SCD5: variants seen among roughly 807,000 people sequenced by gnomAD.
SCD5 encodes stearoyl-CoA desaturase 5, also known as acyl-CoA-desaturase 4.
In SCD5, 20 loss-of-function variants were observed where a neutral mutation model predicts 30.4. The ratio of observed to expected loss-of-function variants is 0.66; its 90% confidence interval spans 0.46 to 0.96. The LOEUF (loss-of-function observed/expected upper bound fraction) is 0.96, where lower values mean the gene tolerates loss of function less well. Among genes scored for constraint, SCD5 ranks in the 40% least tolerant of loss-of-function variants. The probability of loss-of-function intolerance (pLI) is 0.00; values close to 1 mark genes in which losing one functional copy is unlikely to be tolerated. For missense variants in SCD5, 381 were observed against 443.3 expected (o/e 0.86, Z 1.26); for synonymous variants, 173 against 176.4 (o/e 0.98, Z 0.16).
At chr4:82,663,935 G>A (rs1728102875) in intron 3 of SCD5, among the ~76,000 whole-genome samples, 1 of 152,186 alleles carries the variant, frequency 6.6e-6, no homozygotes, top group Non-Finnish European at 1.5e-5. Flanking sequence ...CTGCAGGAAT[G>A]CTAAGAAACC....
chr4:82,709,617 T>C (rs1720038932), intron 1 of SCD5, among the ~76,000 whole-genome samples: 1 of 152,166 alleles, frequency 6.6e-6, no homozygotes, highest in Non-Finnish European at 1.5e-5. Context: ...GACTCACAGA[T>C]GCAAAGCCCT....
In SCD5 at chr4:82,631,353, C is replaced by T. The variant is rs1727287504; in HGVS notation, c.967G>A (p.Ala323Thr). ...ATKPMIEARKARTGDSSA is the reference protein window; with the variant it reads ...ATKPMIEARKTRTGDSSA Reference sequence around the variant, plus strand: ...CAAGCACTGCTGTCTCCAGTCCTGGCCTTCCGGGCCTCGATCATCGGCTTG... The same window carrying T: ...CAAGCACTGCTGTCTCCAGTCCTGGTCTTCCGGGCCTCGATCATCGGCTTG... Residue 323 changes from alanine (A) to threonine (T), a missense_variant, in exon 5 of 5, where the codon GCC becomes ACC. Coordinates refer to ENST00000319540, the MANE Select transcript of SCD5 (RefSeq NM_001037582.3). 1.9e-6 allele frequency: 3 copies of T among 1,614,072 alleles called. No homozygotes were observed. Among genetic ancestry groups the T allele is most frequent in the Non-Finnish European group, 2.5e-6 (3 of 1,180,002 alleles).
intron 1 of SCD5, among the ~76,000 whole-genome samples, chr4:82,766,702 T>C (rs1721494535): frequency 6.6e-6 from 1 of 152,210 alleles, no homozygotes; most frequent in Non-Finnish European, 1.5e-5. Context: ...ATTTTTTGTG[T>C]TCCTATAAAG....
At chr4:82,674,906 G>A (rs1261634099) in intron 3 of SCD5, among the ~76,000 whole-genome samples, 1 of 152,148 alleles carries the variant, frequency 6.6e-6, no homozygotes, top group African/African-American at 2.4e-5. Context: ...CTAACTATAC[G>A]ACATTCTGGA....
At chr4:82,727,289 A>T (rs1437091215) in intron 1 of SCD5, among the ~76,000 whole-genome samples, 1 of 152,196 alleles carries the variant, frequency 6.6e-6, no homozygotes, top group Non-Finnish European at 1.5e-5. Flanking sequence ...TCACTAAGGG[A>T]TGCCATCTGC....
intron 2 of SCD5, among the ~76,000 whole-genome samples, chr4:82,685,131 T>C (rs938278488): frequency 2.0e-5 from 3 of 152,190 alleles, no homozygotes; most frequent in African/African-American, 7.2e-5. Flanking sequence ...TGATTATTCC[T>C]GATAAAAAAT....
chr4:82,692,461 G>T, intron 2 of SCD5: 1 of 153,084 alleles, frequency 6.5e-6, no homozygotes. Context: ...CATGGCCAAA[G>T]CACTTCTGAG....
rs570315531 is a variant in SCD5 at position 82,690,672 on chromosome 4, G to A, written c.364-9760C>T. On this transcript the variant is annotated intron_variant, in intron 2 of 4. Coordinates refer to ENST00000319540, the MANE Select transcript of SCD5 (RefSeq NM_001037582.3). ...TCTATCATTCTTTTGCTTATTATTTGACAATCTCTGTGTATTACTTTTCTT... is the reference window on the plus strand; with the variant it reads ...TCTATCATTCTTTTGCTTATTATTTAACAATCTCTGTGTATTACTTTTCTT... Among the ~76,000 whole-genome samples the A allele has an allele frequency of 5.0e-4, 76 of 152,166 alleles. No individual in the cohort carries two copies. In the South Asian group the frequency reaches 0.015, roughly 30 times the overall value.
intron 2 of SCD5, among the ~76,000 whole-genome samples, chr4:82,695,656 A>G (rs9997736): frequency 0.94 from 143,588 of 152,314 alleles, 67,807 homozygotes; most frequent in East Asian, 1. Context: ...CACATGGGTA[A>G]CCAGATTTGT....
intron 1 of SCD5, among the ~76,000 whole-genome samples, chr4:82,790,724 T>G (rs933216157): frequency 1.3e-5 from 2 of 151,966 alleles, no homozygotes; most frequent in Admixed American, 6.6e-5. Context: ...GAGTAAGTAA[T>G]AAATATTGTT....
chr4:82,697,193 C>T (rs956045505), intron 2 of SCD5, among the ~76,000 whole-genome samples: 7 of 152,298 alleles, frequency 4.6e-5, no homozygotes, highest in Admixed American at 1.3e-4. Flanking sequence ...GGACTGCATG[C>T]GGAATTCACC....
intron 1 of SCD5, among the ~76,000 whole-genome samples, chr4:82,719,854 T>G (rs1192189366): frequency 6.6e-6 from 1 of 151,408 alleles, no homozygotes; most frequent in African/African-American, 2.4e-5. Flanking sequence ...CAGGCTGGAG[T>G]GCAGGGGTGC....
intron 3 of SCD5, among the ~76,000 whole-genome samples, chr4:82,643,262 A>G (rs886827348): frequency 2.6e-5 from 4 of 152,216 alleles, no homozygotes; most frequent in African/African-American, 9.6e-5. Context: ...ACTCCTAGGT[A>G]TATATCCAAA....
rs759488147 is a variant in SCD5 at position 82,798,420 on chromosome 4, C to G, written c.118G>C (p.Gly40Arg). 9.9e-6 allele frequency: 16 copies of G among 1,613,316 alleles called. No homozygotes were observed. Among genetic ancestry groups the G allele is most frequent in the African/African-American group, 2.7e-5 (2 of 75,018 alleles). Reference sequence around the variant, plus strand: ...CTCCAGACGATGTTCTGCCGCTGCCCGCGCGCGCCTGGCCTCTCCGGGCCG... The same window carrying G: ...CTCCAGACGATGTTCTGCCGCTGCCGGCGCGCGCCTGGCCTCTCCGGGCCG... ...GGGPERPGAR[G>R]QRQNIVWRNV... is the part of the protein sequence containing the mutation. The change falls in exon 1 of 5, where the codon GGG becomes CGG. Residue 40 changes from glycine to arginine, a missense_variant. Transcript: ENST00000319540.
chr4:82,714,006 C>T (rs1004308115), intron 1 of SCD5, among the ~76,000 whole-genome samples: 1 of 152,208 alleles, frequency 6.6e-6, no homozygotes, highest in Admixed American at 6.5e-5. Flanking sequence ...GGCCAAGCCA[C>T]TCTCTCTTTA....
At chr4:82,745,535 A>G (rs1391648972) in intron 1 of SCD5, among the ~76,000 whole-genome samples, 1 of 152,222 alleles carries the variant, frequency 6.6e-6, no homozygotes, top group Non-Finnish European at 1.5e-5. Context: ...GTTCAGGGGT[A>G]CATGTGCAGG....
intron 3 of SCD5, among the ~76,000 whole-genome samples, chr4:82,679,881 C>G (rs1177940624): frequency 6.6e-6 from 1 of 152,204 alleles, no homozygotes; most frequent in Non-Finnish European, 1.5e-5. Flanking sequence ...TCAGATGACT[C>G]CTACCCATCA....
chr4:82,690,260 G>A (rs955805918), intron 2 of SCD5, among the ~76,000 whole-genome samples: 8 of 152,250 alleles, frequency 5.3e-5, no homozygotes, highest in South Asian at 2.1e-4. Flanking sequence ...AAAAGAACAC[G>A]TAAGAATGCA....
At chr4:82,640,919 T>G (rs1160840682) in intron 3 of SCD5, among the ~76,000 whole-genome samples, 1 of 152,014 alleles carries the variant, frequency 6.6e-6, no homozygotes, top group Non-Finnish European at 1.5e-5. Context: ...CCTGTCTTTT[T>G]GCTAAATGGG....
Sources: allele counts gnomAD v4.1 joint callset (sites outside exome capture counted in the v4.1 genomes callset), GRCh38; gene constraint gnomAD v4.1.1; transcripts MANE v1.5; gene names NCBI Gene and HGNC (gene_info 2026-07-23, HGNC 2026-07-21).